RBFOX1: variants seen among roughly 807,000 people sequenced by gnomAD.
RBFOX1 encodes the protein RNA binding fox-1 homolog 1.
Under a neutral mutation model 57.7 loss-of-function variants are expected in RBFOX1, and 8 were observed. That is an observed-to-expected ratio of 0.14 (90% confidence interval 0.08 to 0.25). The LOEUF (loss-of-function observed/expected upper bound fraction) is 0.25, where lower values mean the gene tolerates loss of function less well. RBFOX1 is among the 10% of genes least tolerant of loss of function. The pLI is 1.00. For synonymous variants in RBFOX1, 326 were observed against 222.4 expected (o/e 1.47, Z -4.15); for missense variants, 611 against 548.5 (o/e 1.11, Z -1.14).
At chr16:6,009,331 G>A (rs1438993149) in intron 4 of RBFOX1, among the ~76,000 whole-genome samples, 1 of 152,206 alleles carries the variant, frequency 6.6e-6, no homozygotes, top group African/African-American at 2.4e-5. Flanking sequence ...TGTGAGTCAA[G>A]TAGGGCTTTG....
intron 2 of RBFOX1, among the ~76,000 whole-genome samples, chr16:5,551,305 T>C (rs765317311): frequency 6.6e-5 from 10 of 152,178 alleles, no homozygotes; most frequent in Non-Finnish European, 1.0e-4. Context: ...TCAGCATCCA[T>C]GGAGGCAGCT....
intron 4 of RBFOX1, among the ~76,000 whole-genome samples, chr16:7,487,119 C>T (rs182209411): frequency 2.0e-5 from 3 of 152,172 alleles, no homozygotes; most frequent in Admixed American, 6.5e-5. Context: ...AAGCTGATCT[C>T]GAACACCTGA....
At chr16:6,920,107 C>T (rs1273309578) in intron 3 of RBFOX1, among the ~76,000 whole-genome samples, 2 of 152,090 alleles carry the variant, frequency 1.3e-5, no homozygotes. Context: ...CTGCATAGGC[C>T]ATTATTTTGT....
intron 4 of RBFOX1, among the ~76,000 whole-genome samples, chr16:7,149,488 T>TTTC (rs1297673238): frequency 7.0e-6 from 1 of 143,352 alleles, no homozygotes; most frequent in African/African-American, 2.5e-5. Flanking sequence ...CTTTCCTTTT[T>TTTC]TTTTTTTTTT....
chr16:6,262,177 C>T (rs1283694101), intron 1 of RBFOX1, among the ~76,000 whole-genome samples: 1 of 152,136 alleles, frequency 6.6e-6, no homozygotes, highest in Non-Finnish European at 1.5e-5. Context: ...TTCTGCCTTC[C>T]CATCCAAGAC....
chr16:6,201,194 C>T (rs964186637), intron 1 of RBFOX1, among the ~76,000 whole-genome samples: 1 of 152,088 alleles, frequency 6.6e-6, no homozygotes, highest in Admixed American at 6.6e-5. Flanking sequence ...CAGTGGCTTT[C>T]TTCATTCCTC....
chr16:6,088,801 A>G (rs1204042510), intron 1 of RBFOX1, among the ~76,000 whole-genome samples: 1 of 152,136 alleles, frequency 6.6e-6, no homozygotes, highest in Non-Finnish European at 1.5e-5. Context: ...GATCCTCAAA[A>G]AGATCTATGA....
chr16:7,143,017 G>C (rs1442991330), intron 4 of RBFOX1, among the ~76,000 whole-genome samples: 1 of 151,890 alleles, frequency 6.6e-6, no homozygotes, highest in African/African-American at 2.4e-5. Flanking sequence ...GAGTGCTTTA[G>C]GAGAGGTAAA....
At chr16:5,313,326 A>T (rs1183543417) in intron 1 of RBFOX1, among the ~76,000 whole-genome samples, 2 of 152,160 alleles carry the variant, frequency 1.3e-5, no homozygotes, top group African/African-American at 4.8e-5. Flanking sequence ...GTGACAAGAC[A>T]GCTCTAGATA....
chr16:7,399,962 T>C (rs2098213487), intron 4 of RBFOX1, among the ~76,000 whole-genome samples: 1 of 152,214 alleles, frequency 6.6e-6, no homozygotes, highest in South Asian at 2.1e-4. Flanking sequence ...TACCAGGCAT[T>C]GTGCTAATTG....
chr16:5,240,131 G>A (rs560003040), intron 1 of RBFOX1: 13 of 1,108,190 alleles, frequency 1.2e-5, no homozygotes, highest in Admixed American at 6.6e-5. Flanking sequence ...GCGGGGGTCC[G>A]GGGGTGCCGG....
At chr16:6,197,571 A>G (rs1030139995) in intron 1 of RBFOX1, among the ~76,000 whole-genome samples, 1 of 152,024 alleles carries the variant, frequency 6.6e-6, no homozygotes, top group Non-Finnish European at 1.5e-5. Flanking sequence ...TCCCGCAAAG[A>G]CAAAACCAGA....
At chr16:7,006,376 A>G (rs2093299040) in intron 3 of RBFOX1, among the ~76,000 whole-genome samples, 1 of 151,876 alleles carries the variant, frequency 6.6e-6, no homozygotes, top group African/African-American at 2.4e-5. Flanking sequence ...GATGGTCTCG[A>G]TTTTCTGACC....
intron 1 of RBFOX1, among the ~76,000 whole-genome samples, chr16:5,459,532 G>C (rs950659128): frequency 6.6e-6 from 1 of 152,100 alleles, no homozygotes; most frequent in South Asian, 2.1e-4. Flanking sequence ...GATGTCTCAA[G>C]GCCATCTCAA....
Position 7,440,963 on chromosome 16 carries a change from C to T in RBFOX1, c.28-77184C>T, listed in dbSNP as rs1272816211. 2.0e-5 allele frequency among the ~76,000 whole-genome samples: 3 copies of T among 152,044 alleles called. 1 individual carries two copies. In the South Asian group the frequency reaches 6.2e-4, roughly 32 times the overall value. On this transcript the variant is annotated intron_variant, in intron 4 of 15. Coordinates refer to ENST00000550418, the MANE Select transcript of RBFOX1 (RefSeq NM_018723.4). ...CAGAGGTGAGAGGATCAGTTAAGCC[C>T]GCCCAGAGTTTGACGTTGCGCTGAG... is the stretch of plus-strand genomic sequence containing the variant.
At chr16:7,232,348 A>G (rs906563449) in intron 4 of RBFOX1, among the ~76,000 whole-genome samples, 1 of 152,174 alleles carries the variant, frequency 6.6e-6, no homozygotes, top group Non-Finnish European at 1.5e-5. Context: ...TGCTTGAGCT[A>G]TGTGTTCATT....
At chr16:6,820,570 G>A (rs1452886991) in intron 3 of RBFOX1, among the ~76,000 whole-genome samples, 4 of 152,108 alleles carry the variant, frequency 2.6e-5, no homozygotes, top group African/African-American at 4.8e-5. Flanking sequence ...GAGGCAGGAA[G>A]ATTTTTTGAG....
At chr16:7,523,582 C>T (rs907854534) in intron 5 of RBFOX1, among the ~76,000 whole-genome samples, 2 of 152,116 alleles carry the variant, frequency 1.3e-5, no homozygotes, top group Non-Finnish European at 2.9e-5. Context: ...TCTTCTCCAG[C>T]AATGTTTGGA....
chr16:5,904,612 A>G (rs1373088598), intron 4 of RBFOX1, among the ~76,000 whole-genome samples: 1 of 151,972 alleles, frequency 6.6e-6, no homozygotes, highest in African/African-American at 2.4e-5. Context: ...CCCCTTGAAA[A>G]GACTTCTATG....
Sources: allele counts gnomAD v4.1 joint callset (sites outside exome capture counted in the v4.1 genomes callset), GRCh38; gene constraint gnomAD v4.1.1; transcripts MANE v1.5; gene names NCBI Gene and HGNC (gene_info 2026-07-23, HGNC 2026-07-21).